MED22: variants seen among roughly 807,000 people sequenced by gnomAD.
MED22 encodes mediator complex subunit 22, also known as mediator of RNA polymerase II transcription subunit 22.
MED22 carries 22 observed loss-of-function variants against 22.7 expected under a neutral mutation model. That is an observed-to-expected ratio of 0.97 (90% CI 0.69 to 1.38). MED22 has a LOEUF of 1.38. Ranked by LOEUF, MED22 falls within the 40% of genes most tolerant of loss-of-function variation. The pLI is 0.00. For missense variants in MED22, 247 were observed against 263.0 expected, an observed-to-expected ratio of 0.94 and a Z score of 0.42; for synonymous variants, 134 against 119.4, an observed-to-expected ratio of 1.12 and a Z score of -0.80.
Position 133,344,134 on chromosome 9 carries a change from T to C in MED22, c.404A>G (p.Tyr135Cys). ...CCAGCGCTATTTATACCTGGACGAG[T>C]AATACTCCTCCTCCAGCTCGTAGAG... ...IDLYELEEEY[Y>C]SSSSSLCEAN... is the part of the protein sequence containing the mutation. Residue 135 changes from tyrosine (Y) to cysteine (C), a missense_variant, in exon 4 of 5, where the codon TAC becomes TGC. Transcript: ENST00000343730. 6.2e-7 allele frequency: 1 copy of C among 1,614,086 alleles called. No homozygotes were observed. The highest frequency in any genetic ancestry group is 2.2e-5 in the East Asian group (1 of 44,874).
chr9:133,342,114 G>A (rs1836023098), intron 4 of MED22: 2 of 1,030,310 alleles, frequency 1.9e-6, no homozygotes, highest in Non-Finnish European at 2.3e-6. Flanking sequence ...AGCTCTCTGA[G>A]GGCAGACTGT....
Position 133,341,438 on chromosome 9 carries a change from G to C in MED22, c.*67C>G. ...TGGGAACCTAGGCTGAGAGAAGCAA[G>C]GCTGTGAGGGCATCCAAAGGGCTGC... On this transcript the variant is annotated 3_prime_UTR_variant, in exon 5 of 5. Coordinates refer to ENST00000343730, the MANE Select transcript of MED22 (RefSeq NM_133640.5). The C allele has an allele frequency of 7.1e-7, 1 of 1,410,182 alleles. No individual in the cohort carries two copies. The highest frequency in any genetic ancestry group is 1.7e-5 in the South Asian group (1 of 58,130). 87.4% of individuals were successfully genotyped at this position (1,410,182 alleles called of 1,614,324 possible).
intron 4 of MED22, chr9:133,341,979 G>A (rs2129951763): frequency 2.2e-5 from 27 of 1,229,654 alleles, no homozygotes; most frequent in African/African-American, 2.1e-4. Context: ...CAGCCTCCAC[G>A]TGGGCCTGTC....
At chr9:133,346,200 C>A (rs916175530) in intron 2 of MED22, among the ~76,000 whole-genome samples, 1 of 150,778 alleles carries the variant, frequency 6.6e-6, no homozygotes, top group African/African-American at 2.5e-5. Context: ...GCCTGGAGGC[C>A]CCCCCCCACT....
chr9:133,342,474 A>G, intron 4 of MED22: 3 of 986,496 alleles, frequency 3.0e-6, no homozygotes, highest in Non-Finnish European at 3.6e-6. Context: ...AGGAACGCAA[A>G]GGAGAGGCAG....
chr9:133,343,225 G>A, intron 4 of MED22: 1 of 1,171,990 alleles, frequency 8.5e-7, no homozygotes, highest in Non-Finnish European at 1.1e-6. Flanking sequence ...GGGCAGAAAG[G>A]AGTATTTTAA....
At position 133,340,136 on chromosome 9, in the gene MED22, A is replaced by C. The variant is rs2119054116; in HGVS notation, c.*1369T>G. The C allele has an allele frequency of 6.6e-6, 1 of 152,328 alleles. No homozygotes were observed. Among genetic ancestry groups the C allele is most frequent in the East Asian group, 1.9e-4 (1 of 5,188 alleles). 9.4% of individuals were successfully genotyped at this position (152,328 alleles called of 1,614,324 possible). ...AAGTACAAGGCATTTCCACAGCTAAAATAGTGCGGGAACAGATCACCACAC... is the reference window on the plus strand; with the variant it reads ...AAGTACAAGGCATTTCCACAGCTAACATAGTGCGGGAACAGATCACCACAC... On this transcript the variant is annotated 3_prime_UTR_variant, in exon 5 of 5. Coordinates refer to ENST00000343730, the MANE Select transcript of MED22 (RefSeq NM_133640.5).
chr9:133,345,299 C>T (rs1836148528), intron 2 of MED22, 47 bp from the exon 3 acceptor site: 1 of 1,587,026 alleles, frequency 6.3e-7, no homozygotes, highest in Non-Finnish European at 8.6e-7. Context: ...CCAAGGCATC[C>T]CCACCCCTGG....
chr9:133,345,824 T>C (rs1836164560), intron 2 of MED22, among the ~76,000 whole-genome samples: 1 of 152,118 alleles, frequency 6.6e-6, no homozygotes, highest in African/African-American at 2.4e-5. Flanking sequence ...GGGGTGGGTG[T>C]CAGGTACCCT....
At position 133,345,278 on chromosome 9, in the gene MED22, A is replaced by T. The variant is rs2129964652; in HGVS notation, c.124-26T>A. Reference sequence around the variant, plus strand: ...CTGGGGGAAAACAAGAAAACCTAGAAATCAACCCAGCCAAGGCATCCCCAC... The same window carrying T: ...CTGGGGGAAAACAAGAAAACCTAGATATCAACCCAGCCAAGGCATCCCCAC... On this transcript the variant is annotated intron_variant, in intron 2 of 4. Coordinates refer to ENST00000343730, the MANE Select transcript of MED22 (RefSeq NM_133640.5). 3.7e-6 allele frequency: 6 copies of T among 1,611,712 alleles called. No individual in the cohort carries two copies. In the South Asian group the frequency reaches 6.6e-5, roughly 18 times the overall value.
At chr9:133,346,732 CAG>C in intron 1 of MED22, 32 bp from the exon 2 acceptor site, 1 of 1,568,880 alleles carries the variant, frequency 6.4e-7, no homozygotes, top group Non-Finnish European at 8.6e-7. Context: ...TGAGTGCAGG[CAG>C]AGTCTACCCC....
intron 4 of MED22, chr9:133,343,391 G>A (rs2129956537): frequency 1.0e-4 from 126 of 1,226,498 alleles, no homozygotes; most frequent in African/African-American, 3.0e-4. Flanking sequence ...TAAATGATAC[G>A]TAGACTCTGA....
Position 133,340,053 on chromosome 9 carries a change from G to A in MED22, c.*1452C>T, listed in dbSNP as rs2129944164. 4 of 152,464 alleles carry A rather than the reference G, an allele frequency of 2.6e-5. No individual in the cohort carries two copies. Among genetic ancestry groups the A allele is most frequent in the East Asian group, 1.9e-4 (1 of 5,194 alleles). 9.4% of individuals were successfully genotyped at this position (152,464 alleles called of 1,614,324 possible). On this transcript the variant is annotated 3_prime_UTR_variant, in exon 5 of 5. Coordinates refer to ENST00000343730, the MANE Select transcript of MED22 (RefSeq NM_133640.5). ...CCACAAAGTCTGGCCAGTTCCTTCC[G>A]GGCTCTCGCTTCATATATGCTTCCA...
intron 4 of MED22, chr9:133,341,919 C>T (rs1836018072): frequency 2.3e-6 from 3 of 1,327,906 alleles, no homozygotes; most frequent in Admixed American, 4.2e-5. Flanking sequence ...GAGGAAGCCG[C>T]CCTGGCCCAA....
chr9:133,346,389 T>G (rs1459398170), intron 2 of MED22, 151 bp downstream of exon 2: 24 of 882,224 alleles, frequency 2.7e-5, no homozygotes, highest in Non-Finnish European at 3.9e-5. Context: ...GGACGTGCCA[T>G]TATTTGGTTT....
chr9:133,342,431 T>C, intron 4 of MED22: 3 of 985,758 alleles, frequency 3.0e-6, no homozygotes, highest in Non-Finnish European at 3.6e-6. Context: ...GTGTTCAGTC[T>C]CAGAACCGTC....
chr9:133,348,070 C>A lies in MED22; in HGVS notation c.-187G>T. On this transcript the variant is annotated 5_prime_UTR_variant, in exon 1 of 5. Coordinates refer to ENST00000343730, the MANE Select transcript of MED22 (RefSeq NM_133640.5). ...CTCTCTTCCCCGCCGCGCCGCGGTCCGAAAACCTAGTCAGCCGCCGCAGCC... is the reference window on the plus strand; with the variant it reads ...CTCTCTTCCCCGCCGCGCCGCGGTCAGAAAACCTAGTCAGCCGCCGCAGCC... 1 of 914,924 alleles carries A rather than the reference C, an allele frequency of 1.1e-6. No individual in the cohort carries two copies. The highest frequency in any genetic ancestry group is 1.7e-6 in the Non-Finnish European group (1 of 576,794). 56.7% of individuals were successfully genotyped at this position (914,924 alleles called of 1,614,324 possible). A position where few individuals can be genotyped will look rare whatever the true frequency, so the allele number is the denominator to read the frequency against.
At chr9:133,345,069 A>C in intron 3 of MED22, 103 bp downstream of exon 3, 10 of 1,087,584 alleles carry the variant, frequency 9.2e-6, no homozygotes, top group East Asian at 2.4e-5. Flanking sequence ...TCTCGGGGGA[A>C]GAAGACCAGA....
In MED22 at chr9:133,344,317, G is replaced by A. The variant is rs2129961360; in HGVS notation, c.221C>T (p.Ser74Phe). 11 of 1,613,988 alleles carry A rather than the reference G, an allele frequency of 6.8e-6. No homozygotes were observed. The highest frequency in any genetic ancestry group is 1.3e-5 in the African/African-American group (1 of 74,928). ...RAANIVRAGE[S>F]LMKLVSDLKQ... is the part of the protein sequence containing the mutation. ...GAGGTCGGACACCAGCTTCATCAGG[G>A]ACTCGCCGGCTCGGACCTGTGGCCA... The change falls in exon 4 of 5, where the codon TCC becomes TTC. Residue 74 changes from serine to phenylalanine, a missense_variant. Ser to Phe is a radical substitution (Grantham distance 155). Transcript: ENST00000343730.
Sources: allele counts gnomAD v4.1 joint callset (sites outside exome capture counted in the v4.1 genomes callset), GRCh38; gene constraint gnomAD v4.1.1; transcripts MANE v1.5; gene names NCBI Gene and HGNC (gene_info 2026-07-23, HGNC 2026-07-21).